The following NLGN1 variants were observed in gnomAD, a reference collection of about 807,000 sequenced individuals.
The protein encoded by NLGN1 is neuroligin 1, also known as neuroligin-1.
In NLGN1, 12 loss-of-function variants were observed where a neutral mutation model predicts 65.5. That is an observed-to-expected ratio of 0.18 (90% CI 0.12 to 0.30). The LOEUF is 0.30. Among genes scored for constraint, NLGN1 ranks in the 10% least tolerant of loss-of-function variants. NLGN1 has a pLI of 1.00. For synonymous variants in NLGN1, 350 were observed against 359.5 expected, an observed-to-expected ratio of 0.97 and a Z score of 0.30; for missense variants, 750 against 1,007.1, an observed-to-expected ratio of 0.74 and a Z score of 3.46.
At chr3:173,702,357 CCTG>C (rs1767355756) in intron 3 of NLGN1, among the ~76,000 whole-genome samples, 1 of 151,996 alleles carries the variant, frequency 6.6e-6, no homozygotes, top group Non-Finnish European at 1.5e-5. Flanking sequence ...TTATGTATGT[CCTG>C]CTAAGTTACA....
Position 173,640,679 on chromosome 3 carries a change from C to A in NLGN1, c.493+35588C>A, listed in dbSNP as rs567519964. On this transcript the variant is annotated intron_variant, in intron 3 of 6. Coordinates refer to ENST00000457714, the Ensembl canonical transcript of NLGN1. ...TTGAATTTTCCATCCAGGAGTTAAT[C>A]AAAATTCATGAACCGTCCATTTACT... 2.0e-5 allele frequency among the ~76,000 whole-genome samples: 3 copies of A among 152,248 alleles called. No homozygotes were observed. The South Asian group carries it at 6.2e-4, about 32-fold the overall frequency.
At chr3:173,797,570 G>T (rs1292123098) in intron 3 of NLGN1, among the ~76,000 whole-genome samples, 3 of 151,664 alleles carry the variant, frequency 2.0e-5, no homozygotes, top group Non-Finnish European at 4.4e-5. Context: ...TACAATAAAA[G>T]ATGTCCTATA....
chr3:174,124,576 CATATATACGTATATATACGTATACAT>C (rs1561100199), intron 4 of NLGN1, among the ~76,000 whole-genome samples: 2 of 79,552 alleles, frequency 2.5e-5, no homozygotes, highest in Admixed American at 9.9e-5. Context: ...TACGTATACA[CATATATACGTATATATACGTATACAT>C]ATATACGTAT....
At chr3:173,902,742 A>G (rs775880415) in intron 4 of NLGN1, among the ~76,000 whole-genome samples, 2 of 152,094 alleles carry the variant, frequency 1.3e-5, no homozygotes, top group Non-Finnish European at 2.9e-5. Context: ...GCCAAGAGAG[A>G]ACATGATTAT....
intron 2 of NLGN1, among the ~76,000 whole-genome samples, chr3:173,523,306 G>T (rs1375796061): frequency 1.3e-5 from 2 of 151,472 alleles, no homozygotes; most frequent in African/African-American, 4.8e-5. Flanking sequence ...TTGCCTTTGG[G>T]ATCTTCATCA....
At chr3:174,248,983 C>T (rs141166382) in intron 4 of NLGN1, among the ~76,000 whole-genome samples, 2 of 152,112 alleles carry the variant, frequency 1.3e-5, no homozygotes, top group Admixed American at 6.5e-5. Flanking sequence ...AGGAAATCTG[C>T]GATGCTGCTA....
intron 4 of NLGN1, among the ~76,000 whole-genome samples, chr3:174,016,244 G>C (rs557355433): frequency 6.6e-6 from 1 of 152,144 alleles, no homozygotes; most frequent in African/African-American, 2.4e-5. Flanking sequence ...AAGACCGTTA[G>C]AGTGAGCATC....
chr3:174,207,993 C>A (rs1735746359), intron 4 of NLGN1, among the ~76,000 whole-genome samples: 1 of 152,134 alleles, frequency 6.6e-6, no homozygotes, highest in South Asian at 2.1e-4. Flanking sequence ...ATTTTTCAAA[C>A]CCCTTGACAC....
chr3:173,401,268 T>C (rs1446574681), intron 1 of NLGN1, among the ~76,000 whole-genome samples: 1 of 150,890 alleles, frequency 6.6e-6, no homozygotes, highest in Admixed American at 6.6e-5. Flanking sequence ...CTCCAGACAT[T>C]GCCAAATGTC....
chr3:173,587,856 C>T (rs540122001), intron 2 of NLGN1, among the ~76,000 whole-genome samples: 1 of 149,514 alleles, frequency 6.7e-6, no homozygotes, highest in East Asian at 1.9e-4. Flanking sequence ...TGTGTTGCAA[C>T]TGGCCTAACA....
chr3:174,001,752 A>ATGG (rs1410338730), intron 4 of NLGN1, among the ~76,000 whole-genome samples: 2 of 152,148 alleles, frequency 1.3e-5, no homozygotes, highest in Non-Finnish European at 2.9e-5. Context: ...TAATATGATG[A>ATGG]TGGTGGTGGT....
intron 2 of NLGN1, among the ~76,000 whole-genome samples, chr3:173,461,362 T>A (rs1440666788): frequency 6.8e-6 from 1 of 147,040 alleles, no homozygotes; most frequent in Non-Finnish European, 1.5e-5. Flanking sequence ...TTTGTTTTTA[T>A]TTTTTTTTTG....
At chr3:173,871,724 G>A (rs1213061514) in intron 4 of NLGN1, among the ~76,000 whole-genome samples, 1 of 152,170 alleles carries the variant, frequency 6.6e-6, no homozygotes, top group Non-Finnish European at 1.5e-5. Flanking sequence ...CCAGCTGGCT[G>A]GAGCCTGCAT....
intron 3 of NLGN1, among the ~76,000 whole-genome samples, chr3:173,614,733 C>G (rs540139242): frequency 6.6e-6 from 1 of 152,244 alleles, no homozygotes; most frequent in South Asian, 2.1e-4. Context: ...CACACACCCA[C>G]TTGGACAGCT....
chr3:173,758,210 C>T (rs1355120685), intron 3 of NLGN1, among the ~76,000 whole-genome samples: 1 of 151,960 alleles, frequency 6.6e-6, no homozygotes, highest in African/African-American at 2.4e-5. Context: ...GGAGGAGAGC[C>T]CTCATCAGAT....
At chr3:173,458,784 A>C (rs1280772574) in intron 2 of NLGN1, among the ~76,000 whole-genome samples, 1 of 152,142 alleles carries the variant, frequency 6.6e-6, no homozygotes, top group African/African-American at 2.4e-5. Flanking sequence ...AGGTTGTTTA[A>C]TTCAGCAATT....
chr3:173,889,413 C>T (rs1048877979), intron 4 of NLGN1, among the ~76,000 whole-genome samples: 2 of 151,896 alleles, frequency 1.3e-5, no homozygotes, highest in African/African-American at 2.4e-5. Flanking sequence ...CAAACAGTGA[C>T]AAAGAGAGCA....
At chr3:173,705,188 G>T (rs1309249975) in intron 3 of NLGN1, among the ~76,000 whole-genome samples, 1 of 151,800 alleles carries the variant, frequency 6.6e-6, no homozygotes, top group East Asian at 1.9e-4. Flanking sequence ...GAAGGTAGAT[G>T]AATTTGTGAC....
chr3:173,516,281 T>C lies in NLGN1; in HGVS notation c.-321+81203T>C, dbSNP rs1050372700. On this transcript the variant is annotated intron_variant, in intron 2 of 6. Transcript: ENST00000457714. The stretch of plus-strand genomic sequence containing the variant: ...ATGTATTGCATTCTCTAATTCCTTT[T>C]TATTGAATATACTGAAATCAATATG... Among the ~76,000 whole-genome samples, 15 of 152,182 alleles carry C rather than the reference T, an allele frequency of 9.9e-5. No homozygotes were observed. In the East Asian group the frequency reaches 2.9e-3, roughly 29 times the overall value.
Sources: allele counts gnomAD v4.1 joint callset (sites outside exome capture counted in the v4.1 genomes callset), GRCh38; gene constraint gnomAD v4.1.1; transcripts MANE v1.5; gene names NCBI Gene and HGNC (gene_info 2026-07-23, HGNC 2026-07-21).